The following RECK variants were observed in gnomAD, a reference collection of about 807,000 sequenced individuals.
RECK encodes the protein reversion inducing cysteine rich protein with kazal motifs.
RECK carries 69 observed loss-of-function variants against 115.1 expected under a neutral mutation model. That is an observed-to-expected ratio of 0.60 (90% CI 0.49 to 0.73). RECK has a LOEUF of 0.73. Among genes scored for constraint, RECK ranks in the 30% least tolerant of loss-of-function variants. The probability of loss-of-function intolerance (pLI) is 0.00; values close to 1 mark genes in which losing one functional copy is unlikely to be tolerated. For missense variants in RECK, 1,047 were observed against 1,203.7 expected (o/e 0.87, Z 1.93); for synonymous variants, 414 against 419.7 (o/e 0.99, Z 0.17).
rs745467229 is a variant in RECK, at chr9:36,080,645, A to G, written c.439+7A>G. On this transcript the variant is annotated splice_region_variant and intron_variant, in intron 7 of 20. Coordinates refer to ENST00000377966, the MANE Select transcript of RECK (RefSeq NM_021111.3). The stretch of plus-strand genomic sequence containing the variant: ...TGCATTAGCAGAAATGAAAGTAAGT[A>G]TATTTGTCAATGGTTGTACAAACAG... 7 of 1,609,454 alleles carry G rather than the reference A, an allele frequency of 4.3e-6. No homozygotes were observed. Among genetic ancestry groups the G allele is most frequent in the South Asian group, 1.1e-5 (1 of 90,768 alleles).
intron 10 of RECK, among the ~76,000 whole-genome samples, chr9:36,098,241 G>A (rs1279244876): frequency 1.3e-5 from 2 of 152,156 alleles, no homozygotes; most frequent in African/African-American, 4.8e-5. Flanking sequence ...AAAATTATAA[G>A]TATGTGAGGT....
At chr9:36,058,647 T>G (rs1821629972) in intron 2 of RECK, among the ~76,000 whole-genome samples, 180 bp from the exon 3 acceptor site, 1 of 149,004 alleles carries the variant, frequency 6.7e-6, no homozygotes, top group South Asian at 2.1e-4. Flanking sequence ...AAACTTAAAG[T>G]ATAATAATAA....
At chr9:36,083,618 AAAG>A in intron 8 of RECK, 56 bp downstream of exon 8, 1 of 1,545,332 alleles carries the variant, frequency 6.5e-7, no homozygotes, top group East Asian at 2.3e-5. Flanking sequence ...TCGTTTGTAA[AAAG>A]AAGTGATACG....
chr9:36,085,178 T>C (rs1822900129), intron 8 of RECK: 1 of 228,614 alleles, frequency 4.4e-6, no homozygotes, highest in South Asian at 4.1e-5. Context: ...TCCACAGTGT[T>C]TGAATTTTTT....
chr9:36,072,093 A>C (rs1383707827), intron 6 of RECK, among the ~76,000 whole-genome samples: 1 of 152,160 alleles, frequency 6.6e-6, no homozygotes, highest in Non-Finnish European at 1.5e-5. Flanking sequence ...GTAGTTTACT[A>C]TACCCTTTGT....
intron 2 of RECK, among the ~76,000 whole-genome samples, chr9:36,053,913 T>C (rs1239308567): frequency 6.6e-6 from 1 of 152,226 alleles, no homozygotes; most frequent in Non-Finnish European, 1.5e-5. Context: ...CTCCTATTAC[T>C]GGTTACACAG....
intron 1 of RECK, among the ~76,000 whole-genome samples, chr9:36,042,565 T>C (rs1290201352): frequency 6.6e-6 from 1 of 152,146 alleles, no homozygotes; most frequent in Non-Finnish European, 1.5e-5. Flanking sequence ...CACATTTTCT[T>C]TATCCACTTG....
At chr9:36,091,834 C>A (rs1287557819) in intron 10 of RECK, among the ~76,000 whole-genome samples, 1 of 152,118 alleles carries the variant, frequency 6.6e-6, no homozygotes, top group East Asian at 1.9e-4. Context: ...AGAACTGAGC[C>A]TTGGAGCATA....
intron 18 of RECK, among the ~76,000 whole-genome samples, chr9:36,120,030 C>T (rs927852807): frequency 1.3e-5 from 2 of 152,048 alleles, no homozygotes; most frequent in African/African-American, 2.4e-5. Flanking sequence ...ATCAGGAGAT[C>T]GAAACCATCC....
chr9:36,048,136 T>A (rs1365252645), intron 1 of RECK, among the ~76,000 whole-genome samples: 1 of 60,244 alleles, frequency 1.7e-5, no homozygotes, highest in South Asian at 7.1e-4. Flanking sequence ...AATATATATA[T>A]ATATATATAT....
intron 1 of RECK, among the ~76,000 whole-genome samples, chr9:36,049,258 G>A (rs538683115): frequency 2.0e-5 from 3 of 152,232 alleles, no homozygotes; most frequent in Admixed American, 2.0e-4. Flanking sequence ...ATACTTGATT[G>A]AATTATTGGT....
At chr9:36,047,669 C>T (rs1821116905) in intron 1 of RECK, among the ~76,000 whole-genome samples, 1 of 152,110 alleles carries the variant, frequency 6.6e-6, no homozygotes, top group Admixed American at 6.5e-5. Context: ...AAAGTAACTA[C>T]AGCCTTACTA....
chr9:36,115,242 G>C (rs754112214), intron 16 of RECK, among the ~76,000 whole-genome samples: 17 of 151,870 alleles, frequency 1.1e-4, no homozygotes, highest in Non-Finnish European at 1.9e-4. Flanking sequence ...TTGAACCCGG[G>C]AAGCAGAGGT....
intron 1 of RECK, among the ~76,000 whole-genome samples, chr9:36,049,627 T>C (rs1821207149): frequency 6.6e-6 from 1 of 152,192 alleles, no homozygotes; most frequent in Admixed American, 6.5e-5. Context: ...GGTGAGACCA[T>C]GGGTCACCTT....
In RECK at chr9:36,038,865, T is replaced by G. The variant is rs115788811; in HGVS notation, c.100+1767T>G. ...CTGGGGGAATGGCAGTGATTGCTAA[T>G]GAGTATGAAGTTTCTTTTGGGAGTA... On this transcript the variant is annotated intron_variant, in intron 1 of 20. Transcript: ENST00000377966. Among the ~76,000 whole-genome samples, 417 of 151,806 alleles carry G rather than the reference T, an allele frequency of 2.7e-3. 3 individuals carry two copies. Among genetic ancestry groups the G allele is most frequent in the African/African-American group, 9.7e-3 (401 of 41,390 alleles).
intron 11 of RECK, among the ~76,000 whole-genome samples, chr9:36,101,243 G>A (rs1010371092): frequency 2.0e-5 from 3 of 152,058 alleles, no homozygotes; most frequent in Admixed American, 1.3e-4. Context: ...GAGCCACTGC[G>A]CCCAGCCGAC....
At chr9:36,080,241 A>G (rs992820152) in intron 6 of RECK, among the ~76,000 whole-genome samples, 3 of 152,206 alleles carry the variant, frequency 2.0e-5, no homozygotes, top group Admixed American at 6.5e-5. Flanking sequence ...GTTACATGAA[A>G]TATATATTTC....
At chr9:36,068,845 C>T (rs1055652619) in intron 6 of RECK, among the ~76,000 whole-genome samples, 1 of 152,192 alleles carries the variant, frequency 6.6e-6, no homozygotes, top group Non-Finnish European at 1.5e-5. Flanking sequence ...TAGTCTTATT[C>T]CATTGAAAAT....
chr9:36,087,677 A>G lies in RECK; in HGVS notation c.638-17A>G, dbSNP rs1564121904. The G allele has an allele frequency of 6.2e-7, 1 of 1,608,422 alleles. No individual in the cohort carries two copies. The highest frequency in any genetic ancestry group is 8.5e-7 in the Non-Finnish European group (1 of 1,176,710). On this transcript the variant is annotated splice_polypyrimidine_tract_variant and intron_variant, in intron 8 of 20. Transcript: ENST00000377966. ...AAAAAAACAGCTAATTAAGCCACTT[A>G]TATTCTGAAAATGTAGGTTTATATT...
Sources: gnomAD v4.1 joint callset for allele counts (sites outside exome capture counted in the v4.1 genomes callset) on GRCh38, gnomAD v4.1.1 for gene constraint, MANE v1.5 for transcripts, NCBI Gene and HGNC (gene_info 2026-07-23, HGNC 2026-07-21) for gene names.